PCDH9: variants seen among roughly 807,000 people sequenced by gnomAD.
PCDH9 encodes the protein protocadherin 9, also known as protocadherin-9.
A neutral mutation model predicts 70.6 loss-of-function variants in PCDH9; 24 were observed. The ratio of observed to expected loss-of-function variants is 0.34; its 90% CI spans 0.25 to 0.48. The LOEUF (loss-of-function observed/expected upper bound fraction) is 0.48. Among genes scored for constraint, PCDH9 ranks in the 20% least tolerant of loss-of-function variants. The probability of loss-of-function intolerance (pLI) is 0.99; values close to 1 mark genes in which losing one functional copy is unlikely to be tolerated. For missense variants in PCDH9, 1,281 were observed against 1,503.6 expected, an observed-to-expected ratio of 0.85 and a Z score of 2.45; for synonymous variants, 562 against 558.5, an observed-to-expected ratio of 1.01 and a Z score of -0.09.
rs1269019600 is a variant in PCDH9 at position 67,229,998 on chromosome 13, GTC to G, written c.-356_-355del. ...TCGTTAGTCATTCTCTCCACATTTCGTCTCTCTTACCCACTGGGTCTGGGTTC... is the reference window on the plus strand; with the variant it reads ...TCGTTAGTCATTCTCTCCACATTTCGTCTCTTACCCACTGGGTCTGGGTTC... On this transcript the variant is annotated 5_prime_UTR_variant, in exon 1 of 5. An upstream open reading frame in the 5' UTR loses its in-frame stop. Transcript: ENST00000377865. The G allele has an allele frequency of 1.3e-5, 2 of 152,156 alleles. No individual in the cohort carries two copies. Among genetic ancestry groups the G allele is most frequent in the African/African-American group, 2.4e-5 (1 of 41,418 alleles). The allele number at this position is 152,156 out of a possible 1,614,324, so 9.4% of individuals were successfully genotyped here.
intron 2 of PCDH9, among the ~76,000 whole-genome samples, chr13:67,121,024 C>G (rs1008560115): frequency 6.6e-6 from 1 of 151,982 alleles, no homozygotes; most frequent in Non-Finnish European, 1.5e-5. Context: ...CAACTACTAA[C>G]GTCCTACTGT....
chr13:66,815,381 C>T (rs138607205), intron 3 of PCDH9, among the ~76,000 whole-genome samples: 3 of 152,110 alleles, frequency 2.0e-5, no homozygotes, highest in Non-Finnish European at 4.4e-5. Context: ...TCAAAGAATT[C>T]GAGAAATCCC....
intron 3 of PCDH9, among the ~76,000 whole-genome samples, chr13:66,756,683 G>A (rs1594014924): frequency 6.6e-6 from 1 of 152,202 alleles, no homozygotes; most frequent in East Asian, 1.9e-4. Flanking sequence ...TCATTGACAA[G>A]GAGATAGTGT....
intron 4 of PCDH9, among the ~76,000 whole-genome samples, chr13:66,466,492 T>C (rs1305154317): frequency 2.0e-5 from 3 of 152,066 alleles, no homozygotes; most frequent in African/African-American, 7.2e-5. Flanking sequence ...TGCATCTCCA[T>C]GGCGTGCAGA....
chr13:66,678,406 C>T (rs1380787691), intron 3 of PCDH9, among the ~76,000 whole-genome samples: 1 of 152,008 alleles, frequency 6.6e-6, no homozygotes, highest in Non-Finnish European at 1.5e-5. Flanking sequence ...TATTCTAAGA[C>T]TGGAAAACTT....
At chr13:67,024,208 C>G (rs2084734584) in intron 2 of PCDH9, among the ~76,000 whole-genome samples, 1 of 152,026 alleles carries the variant, frequency 6.6e-6, no homozygotes, top group Non-Finnish European at 1.5e-5. Flanking sequence ...TTATTTAGAT[C>G]AAGAGGTGTA....
intron 4 of PCDH9, among the ~76,000 whole-genome samples, chr13:66,445,539 T>G (rs919191145): frequency 1.4e-5 from 2 of 142,326 alleles, no homozygotes; most frequent in African/African-American, 5.2e-5. Context: ...CACATATATA[T>G]TATATATACA....
intron 4 of PCDH9, among the ~76,000 whole-genome samples, chr13:66,342,022 G>C (rs960374751): frequency 5.3e-5 from 8 of 152,118 alleles, no homozygotes; most frequent in African/African-American, 1.2e-4. Context: ...CTGTGGGCTG[G>C]GTGGGGACTG....
intron 4 of PCDH9, among the ~76,000 whole-genome samples, chr13:66,464,541 A>G (rs1019216575): frequency 6.6e-6 from 1 of 152,006 alleles, no homozygotes; most frequent in African/African-American, 2.4e-5. Flanking sequence ...ATTAGAAGAC[A>G]GAGTACAGTG....
At chr13:66,711,401 A>G (rs1242366535) in intron 3 of PCDH9, among the ~76,000 whole-genome samples, 2 of 152,072 alleles carry the variant, frequency 1.3e-5, no homozygotes, top group East Asian at 1.9e-4. Context: ...GCAAAAAAAA[A>G]AAAAAAATTA....
At chr13:66,419,805 C>A (rs563647841) in intron 4 of PCDH9, among the ~76,000 whole-genome samples, 2 of 150,546 alleles carry the variant, frequency 1.3e-5, no homozygotes, top group Non-Finnish European at 3.0e-5. Flanking sequence ...GTAACACCAG[C>A]GAAACAGAAC....
At chr13:66,889,907 G>C (rs1251891774) in intron 3 of PCDH9, among the ~76,000 whole-genome samples, 1 of 152,160 alleles carries the variant, frequency 6.6e-6, no homozygotes, top group Admixed American at 6.6e-5. Context: ...TGGGGATGAT[G>C]AGTTTGGGGA....
At chr13:66,709,188 C>T (rs899018170) in intron 3 of PCDH9, among the ~76,000 whole-genome samples, 9 of 152,082 alleles carry the variant, frequency 5.9e-5, no homozygotes, top group African/African-American at 2.2e-4. Context: ...TCCTACACTG[C>T]TATTATTAAC....
intron 4 of PCDH9, among the ~76,000 whole-genome samples, chr13:66,625,661 ATTTTT>A (rs56865546): frequency 8.1e-6 from 1 of 122,982 alleles, no homozygotes. Flanking sequence ...ATATAGTGGA[ATTTTT>A]TTTTTTTTTT....
At chr13:66,944,817 C>CTCTG (rs779023332) in intron 2 of PCDH9, among the ~76,000 whole-genome samples, 42 of 135,452 alleles carry the variant, frequency 3.1e-4, no homozygotes, top group Middle Eastern at 3.7e-3. Context: ...CTAATCGTCT[C>CTCTG]TGTGTGTGTG....
intron 4 of PCDH9, among the ~76,000 whole-genome samples, chr13:66,611,967 C>T (rs1478876000): frequency 4.6e-5 from 7 of 152,196 alleles, no homozygotes; most frequent in Admixed American, 1.3e-4. Flanking sequence ...TTCACCACTA[C>T]ATACACTTTT....
chr13:66,339,705 T>C (rs1460128671), intron 4 of PCDH9, among the ~76,000 whole-genome samples: 1 of 152,176 alleles, frequency 6.6e-6, no homozygotes, highest in African/African-American at 2.4e-5. Context: ...TTCTTTTTAA[T>C]TTTAATCTTT....
intron 4 of PCDH9, among the ~76,000 whole-genome samples, chr13:66,347,106 A>G (rs1593837482): frequency 6.6e-6 from 1 of 152,346 alleles, no homozygotes; most frequent in African/African-American, 2.4e-5. Context: ...AGCTAGCTAT[A>G]TAAATTTTAT....
At chr13:66,679,558 T>C (rs2078290264) in intron 3 of PCDH9, among the ~76,000 whole-genome samples, 3 of 151,938 alleles carry the variant, frequency 2.0e-5, no homozygotes, top group African/African-American at 7.2e-5. Context: ...TCCAAATTAT[T>C]ATTGCATTTT....
Sources: allele counts gnomAD v4.1 joint callset (sites outside exome capture counted in the v4.1 genomes callset), GRCh38; gene constraint gnomAD v4.1.1; transcripts MANE v1.5; gene names NCBI Gene and HGNC (gene_info 2026-07-23, HGNC 2026-07-21).